The following PAN3 variants were observed in gnomAD, a reference collection of about 807,000 sequenced individuals.
The protein encoded by PAN3 is PAN2-PAN3 deadenylation complex subunit PAN3.
A neutral mutation model predicts 96.2 loss-of-function variants in PAN3; 19 were observed. The ratio of observed to expected loss-of-function variants is 0.20; its 90% CI spans 0.14 to 0.29. The LOEUF (loss-of-function observed/expected upper bound fraction) is 0.29, where lower values mean the gene tolerates loss of function less well. Ranked by LOEUF, PAN3 falls within the 10% of genes least tolerant of loss-of-function variation. PAN3 has a pLI of 1.00. For synonymous variants in PAN3, 433 were observed against 406.6 expected (o/e 1.06, Z -0.78); for missense variants, 882 against 1,108.1 (o/e 0.80, Z 2.90).
chr13:28,289,073 G>C (rs565986063), intron 18 of PAN3, among the ~76,000 whole-genome samples: 6 of 152,062 alleles, frequency 3.9e-5, no homozygotes, highest in Admixed American at 2.0e-4. Context: ...TGATCCACCC[G>C]CCTCAGCCTC....
chr13:28,257,735 T>A (rs575527611), intron 7 of PAN3, among the ~76,000 whole-genome samples: 6 of 110,098 alleles, frequency 5.4e-5, no homozygotes, highest in African/African-American at 1.3e-4. Flanking sequence ...ATATTATATA[T>A]AAATTATATA....
chr13:28,178,878 A>G (rs561226539), intron 4 of PAN3, among the ~76,000 whole-genome samples: 7 of 152,184 alleles, frequency 4.6e-5, no homozygotes, highest in Non-Finnish European at 5.9e-5. Flanking sequence ...GTTATCCCCA[A>G]ACTCGTTGAG....
At chr13:28,217,606 A>C (rs1188550544) in intron 5 of PAN3, among the ~76,000 whole-genome samples, 1 of 149,980 alleles carries the variant, frequency 6.7e-6, no homozygotes, top group Non-Finnish European at 1.5e-5. Flanking sequence ...AACAAAAAAA[A>C]AATTGTGGGG....
At chr13:28,144,646 A>G (rs1181478016) in intron 1 of PAN3, among the ~76,000 whole-genome samples, 1 of 151,930 alleles carries the variant, frequency 6.6e-6, no homozygotes, top group East Asian at 1.9e-4. Flanking sequence ...TGGTATGATC[A>G]TAGACTGAAA....
chr13:28,192,064 T>A (rs2138199082), intron 4 of PAN3, among the ~76,000 whole-genome samples: 1 of 150,680 alleles, frequency 6.6e-6, no homozygotes, highest in Admixed American at 6.6e-5. Flanking sequence ...TTTTTTTTTT[T>A]TTTGAGACTG....
chr13:28,290,100 G>A (rs1011409980), intron 18 of PAN3, among the ~76,000 whole-genome samples: 6 of 152,072 alleles, frequency 3.9e-5, no homozygotes, highest in African/African-American at 9.7e-5. Flanking sequence ...TGAGAGCCTC[G>A]AATAGTTTTA....
intron 1 of PAN3, among the ~76,000 whole-genome samples, chr13:28,154,308 A>G (rs1261826376): frequency 3.3e-5 from 5 of 152,180 alleles, no homozygotes; most frequent in African/African-American, 1.2e-4. Context: ...TATACACTCC[A>G]GTGAAACAGT....
At chr13:28,216,855 C>T (rs1880832216) in intron 5 of PAN3, among the ~76,000 whole-genome samples, 1 of 151,978 alleles carries the variant, frequency 6.6e-6, no homozygotes, top group Admixed American at 6.6e-5. Context: ...GTGGCTCACG[C>T]CTGTAATCCC....
chr13:28,177,378 T>C lies in PAN3; in HGVS notation c.620-487T>C, dbSNP rs537033699. On this transcript the variant is annotated intron_variant, in intron 3 of 18. Coordinates refer to ENST00000380958, the MANE Select transcript of PAN3 (RefSeq NM_175854.8). ...AGTAATAATATCAAACATCTGGTGA[T>C]AGACTTTAAAATATGGAATAGTTTG... is the stretch of plus-strand genomic sequence containing the variant. 4.6e-5 allele frequency among the ~76,000 whole-genome samples: 7 copies of C among 152,330 alleles called. No homozygotes were observed. The East Asian group carries it at 7.7e-4, about 17-fold the overall frequency.
intron 15 of PAN3, among the ~76,000 whole-genome samples, chr13:28,278,905 G>A (rs1887258291): frequency 6.6e-6 from 1 of 151,968 alleles, no homozygotes; most frequent in South Asian, 2.1e-4. Flanking sequence ...CCACAAAAAT[G>A]ATGACTACTA....
intron 18 of PAN3, among the ~76,000 whole-genome samples, chr13:28,291,533 A>G (rs1268674073): frequency 6.6e-6 from 1 of 152,230 alleles, no homozygotes; most frequent in Non-Finnish European, 1.5e-5. Flanking sequence ...AAAAGTATTA[A>G]AATCTTATAA....
At chr13:28,239,244 A>G (rs1175489886) in intron 6 of PAN3, among the ~76,000 whole-genome samples, 1 of 149,644 alleles carries the variant, frequency 6.7e-6, no homozygotes, top group East Asian at 2.0e-4. Flanking sequence ...AACTTGTCAA[A>G]GAAAAAATAC....
At chr13:28,169,217 G>T (rs1276201645) in intron 1 of PAN3, among the ~76,000 whole-genome samples, 174 of 98,662 alleles carry the variant, frequency 1.8e-3, no homozygotes, top group African/African-American at 2.4e-3. Flanking sequence ...TTTTTTTTTT[G>T]TTTGCTTTTT....
Position 28,286,141 on chromosome 13 carries a change from A to G in PAN3, c.2385-1843A>G, listed in dbSNP as rs577854089. On this transcript the variant is annotated intron_variant, in intron 17 of 18. Transcript: ENST00000380958. ...TATACATGATTTTTGTTTGTTTTTG[A>G]TAGACTGTCAAGGATTATCATTTGT... Among the ~76,000 whole-genome samples, 5 of 152,302 alleles carry G rather than the reference A, an allele frequency of 3.3e-5. No individual in the cohort carries two copies. The South Asian group carries it at 1.0e-3, about 32-fold the overall frequency.
intron 4 of PAN3, among the ~76,000 whole-genome samples, chr13:28,188,522 G>C (rs892826239): frequency 6.6e-6 from 1 of 152,064 alleles, no homozygotes; most frequent in Non-Finnish European, 1.5e-5. Context: ...GATCGTTTGA[G>C]CTCAGGGGTT....
In PAN3 at chr13:28,277,249, A is replaced by G. The variant is rs1236314321; in HGVS notation, c.2062A>G (p.Ile688Val). 1.2e-6 allele frequency: 2 copies of G among 1,610,398 alleles called. No individual in the cohort carries two copies. The highest frequency in any genetic ancestry group is 1.7e-6 in the Non-Finnish European group (2 of 1,178,822). The change falls in exon 15 of 19, where the codon ATA becomes GTA. Residue 688 changes from isoleucine (I) to valine (V), a missense_variant. Ile to Val is a conservative substitution (Grantham distance 29). Transcript: ENST00000380958. Reference protein sequence around the residue: ...LMAQYQQADLISLGKVVLALA... With the variant: ...LMAQYQQADLVSLGKVVLALA... ...TCTTTCATGTCAGCAAGCAGATCTG[A>G]TATCATTAGGAAAAGTTGTGTTGGC...
intron 5 of PAN3, among the ~76,000 whole-genome samples, chr13:28,208,387 T>C (rs1879619731): frequency 1.3e-5 from 2 of 152,186 alleles, no homozygotes; most frequent in Admixed American, 6.5e-5. Flanking sequence ...GGGACAGTGA[T>C]AGAATAAACT....
At chr13:28,186,604 A>C (rs572284812) in intron 4 of PAN3, among the ~76,000 whole-genome samples, 53 of 152,372 alleles carry the variant, frequency 3.5e-4, no homozygotes, top group African/African-American at 1.3e-3. Flanking sequence ...ATCTTTGTTT[A>C]AATTCAATTA....
intron 6 of PAN3, among the ~76,000 whole-genome samples, chr13:28,234,358 T>C (rs904639150): frequency 6.6e-6 from 1 of 152,302 alleles, no homozygotes; most frequent in East Asian, 1.9e-4. Flanking sequence ...TGTTAATAAT[T>C]AGAAGAAAAC....
Sources: gnomAD v4.1 joint callset for allele counts (sites outside exome capture counted in the v4.1 genomes callset) on GRCh38, gnomAD v4.1.1 for gene constraint, MANE v1.5 for transcripts, NCBI Gene and HGNC (gene_info 2026-07-23, HGNC 2026-07-21) for gene names.